ADAMTS9: variants seen among roughly 807,000 people sequenced by gnomAD.
ADAMTS9 encodes ADAM metallopeptidase with thrombospondin type 1 motif 9, also known as A disintegrin and metalloproteinase with thrombospondin motifs 9.
In ADAMTS9, 107 loss-of-function variants were observed where a neutral mutation model predicts 257.1. The ratio of observed to expected loss-of-function variants is 0.42; its 90% CI spans 0.36 to 0.49. The LOEUF is 0.49. ADAMTS9 is among the 20% of genes least tolerant of loss of function. ADAMTS9 has a pLI of 0.03. For synonymous variants in ADAMTS9, 982 were observed against 880.9 expected, an observed-to-expected ratio of 1.11 and a Z score of -2.03; for missense variants, 2,353 against 2,469.1, an observed-to-expected ratio of 0.95 and a Z score of 1.00.
intron 11 of ADAMTS9, among the ~76,000 whole-genome samples, chr3:64,643,958 T>C (rs1700724222): frequency 6.6e-6 from 1 of 152,180 alleles, no homozygotes; most frequent in Non-Finnish European, 1.5e-5. Context: ...TCACTGGGAC[T>C]GGTAACTCTT....
At chr3:64,576,076 T>C (rs1228472449) in intron 28 of ADAMTS9, among the ~76,000 whole-genome samples, 2 of 152,192 alleles carry the variant, frequency 1.3e-5, no homozygotes, top group African/African-American at 4.8e-5. Flanking sequence ...AGAGCAGTTA[T>C]ATACGTTGAA....
At chr3:64,638,865 T>C (rs898397633) in intron 12 of ADAMTS9, among the ~76,000 whole-genome samples, 3 of 151,872 alleles carry the variant, frequency 2.0e-5, no homozygotes, top group African/African-American at 7.3e-5. Context: ...CAGATAAATA[T>C]TGTGAAAAAA....
At position 64,615,474 on chromosome 3, in the gene ADAMTS9, G is replaced by A. The variant is rs778877545; in HGVS notation, c.3036C>T (p.Ser1012=). 2 of 1,613,012 alleles carry A rather than the reference G, an allele frequency of 1.2e-6. No individual in the cohort carries two copies. Among genetic ancestry groups the A allele is most frequent in the Admixed American group, 3.3e-5 (2 of 59,864 alleles). The change falls in exon 21 of 40, where the codon AGC becomes AGT. Residue 1012 remains serine (S), a synonymous_variant. Transcript: ENST00000498707. ...TTCTCCTCTGGGTCCCACCGTCACA[G>A]CTTTTTGAACACTGTAGGGACAAAA... ...RYSAWTECSK[S]CDGGTQRRRA...
intron 2 of ADAMTS9, among the ~76,000 whole-genome samples, chr3:64,685,975 C>T (rs992405402): frequency 2.6e-5 from 4 of 152,226 alleles, no homozygotes; most frequent in Non-Finnish European, 5.9e-5. Context: ...AGCCCTCGGC[C>T]CACCCTTCCG....
chr3:64,568,535 AC>A lies in ADAMTS9; in HGVS notation c.4357-1del. 6.2e-7 allele frequency: 1 copy of A among 1,611,512 alleles called. No individual in the cohort carries two copies. The highest frequency in any genetic ancestry group is 8.5e-7 in the Non-Finnish European group (1 of 1,179,388). ...TGCCCTCGACCACAAGAGACAGAAC[AC>A]TGCAATATAAAGCAATGGCAAGGTT... On this transcript the variant is annotated splice_acceptor_variant, in intron 28 of 39. Coordinates refer to ENST00000498707, the MANE Select transcript of ADAMTS9 (RefSeq NM_182920.2). LOFTEE classifies it high-confidence loss of function.
intron 28 of ADAMTS9, among the ~76,000 whole-genome samples, chr3:64,593,654 T>TG (rs1417229196): frequency 6.6e-6 from 1 of 152,206 alleles, no homozygotes; most frequent in East Asian, 1.9e-4. Context: ...CCAAACGGGC[T>TG]TCCTATCTCT....
chr3:64,574,377 G>A (rs1295536470), intron 28 of ADAMTS9, among the ~76,000 whole-genome samples: 2 of 151,938 alleles, frequency 1.3e-5, no homozygotes, highest in Non-Finnish European at 2.9e-5. Flanking sequence ...GGTCAAAGAG[G>A]TGACGTCACT....
intron 38 of ADAMTS9, among the ~76,000 whole-genome samples, chr3:64,524,635 TA>T (rs1326632737): frequency 6.6e-6 from 1 of 152,176 alleles, no homozygotes; most frequent in African/African-American, 2.4e-5. Context: ...ATTTGACCAA[TA>T]AAAAAATTTT....
In ADAMTS9 at chr3:64,602,027, C is replaced by T. The variant is rs769930462; in HGVS notation, c.3934G>A (p.Glu1312Lys). The change falls in exon 26 of 40, where the codon GAG becomes AAG. Residue 1312 changes from glutamate to lysine, a missense_variant. Glu to Lys is a moderately conservative substitution (Grantham distance 56). Around this residue, in one of 3 missense-constraint regions of ADAMTS9, gnomAD observed 1,402 missense variants for 1,441.4 expected, o/e 0.97. Coordinates refer to ENST00000498707, the MANE Select transcript of ADAMTS9 (RefSeq NM_182920.2). ...CTGGCGCTCCGGGGACGATAGTCCT[C>T]ATTTTGGAAGGGGTGCTGAGCTAAG... Reference protein sequence around the residue: ...SGLAQHPFQNEDYRPRSASPS... With the variant: ...SGLAQHPFQNKDYRPRSASPS... 6.2e-7 allele frequency: 1 copy of T among 1,613,986 alleles called. No homozygotes were observed. The highest frequency in any genetic ancestry group is 8.5e-7 in the Non-Finnish European group (1 of 1,179,964).
At chr3:64,672,462 C>G (rs1388992271) in intron 3 of ADAMTS9, among the ~76,000 whole-genome samples, 7 of 152,122 alleles carry the variant, frequency 4.6e-5, no homozygotes, top group African/African-American at 1.7e-4. Flanking sequence ...GCAGATGAAC[C>G]ATTTGAGGCC....
intron 12 of ADAMTS9, among the ~76,000 whole-genome samples, chr3:64,639,983 G>A (rs1487504719): frequency 6.6e-6 from 1 of 152,126 alleles, no homozygotes; most frequent in Non-Finnish European, 1.5e-5. Context: ...CAGGAAGTAG[G>A]AATAGTGTGA....
intron 28 of ADAMTS9, among the ~76,000 whole-genome samples, chr3:64,584,410 G>A (rs1476447683): frequency 6.6e-6 from 1 of 152,002 alleles, no homozygotes; most frequent in African/African-American, 2.4e-5. Flanking sequence ...AGAAAATCAT[G>A]GGAAAAGGCC....
chr3:64,644,680 TAC>T (rs776870616), intron 11 of ADAMTS9, among the ~76,000 whole-genome samples: 1 of 152,230 alleles, frequency 6.6e-6, no homozygotes, highest in Non-Finnish European at 1.5e-5. Flanking sequence ...AGCCATTTTG[TAC>T]CTTGAGGACA....
chr3:64,543,968 C>A (rs373993752), intron 32 of ADAMTS9, among the ~76,000 whole-genome samples: 2 of 152,148 alleles, frequency 1.3e-5, no homozygotes, highest in African/African-American at 4.8e-5. Context: ...TTCTTATACA[C>A]CAATAACAGA....
chr3:64,645,926 T>C (rs1576156122), intron 11 of ADAMTS9, among the ~76,000 whole-genome samples: 1 of 152,160 alleles, frequency 6.6e-6, no homozygotes, highest in Admixed American at 6.6e-5. Flanking sequence ...AAACAGAAGA[T>C]TGGGAAAAGA....
intron 37 of ADAMTS9, among the ~76,000 whole-genome samples, chr3:64,538,274 A>G (rs1405661351): frequency 6.6e-6 from 1 of 152,212 alleles, no homozygotes; most frequent in African/African-American, 2.4e-5. Flanking sequence ...CCTGGCACAA[A>G]GTGAGCACTT....
intron 30 of ADAMTS9, among the ~76,000 whole-genome samples, chr3:64,557,850 G>A (rs564334908): frequency 2.0e-5 from 3 of 152,328 alleles, no homozygotes; most frequent in East Asian, 3.9e-4. Context: ...AGATGTGGAT[G>A]TGTGGATAGA....
At chr3:64,676,876 G>A (rs1701635498) in intron 3 of ADAMTS9, among the ~76,000 whole-genome samples, 1 of 152,198 alleles carries the variant, frequency 6.6e-6, no homozygotes, top group Non-Finnish European at 1.5e-5. Flanking sequence ...AGGTGAGGGA[G>A]AAGTTTGAGT....
At chr3:64,550,795 A>C in intron 31 of ADAMTS9, 97 bp downstream of exon 31, 1 of 1,486,650 alleles carries the variant, frequency 6.7e-7, no homozygotes, top group South Asian at 1.3e-5. Context: ...GGGTAGCCTC[A>C]AGTCTCCCAC....
Sources: allele counts gnomAD v4.1 joint callset (sites outside exome capture counted in the v4.1 genomes callset), GRCh38; gene constraint gnomAD v4.1.1; regional missense constraint gnomAD v4.1.1; transcripts MANE v1.5; gene names NCBI Gene and HGNC (gene_info 2026-07-23, HGNC 2026-07-21).